The following EXOC4 variants were observed in gnomAD, a reference collection of about 807,000 sequenced individuals.
The protein encoded by EXOC4 is exocyst complex component 4.
A neutral mutation model predicts 107.2 loss-of-function variants in EXOC4; 71 were observed. The ratio of observed to expected loss-of-function variants is 0.66; its 90% CI spans 0.55 to 0.81. The LOEUF is 0.81. Among genes scored for constraint, EXOC4 ranks in the 30% least tolerant of loss-of-function variants. The pLI is 0.00. For missense variants in EXOC4, 1,108 were observed against 1,189.6 expected, an observed-to-expected ratio of 0.93 and a Z score of 1.01; for synonymous variants, 456 against 441.2, an observed-to-expected ratio of 1.03 and a Z score of -0.42.
intron 9 of EXOC4, among the ~76,000 whole-genome samples, chr7:133,556,198 G>A (rs1211071609): frequency 1.3e-5 from 2 of 152,112 alleles, no homozygotes; most frequent in Non-Finnish European, 2.9e-5. Flanking sequence ...GTTCAAATAG[G>A]TTCTAAACTA....
chr7:134,064,485 C>T lies in EXOC4; in HGVS notation c.2882C>T (p.Ala961Val). Residue 961 changes from alanine (A) to valine (V), a missense_variant, in exon 18 of 18, where the codon GCC becomes GTC. Coordinates refer to ENST00000253861, the MANE Select transcript of EXOC4 (RefSeq NM_021807.4). ...AAAGAGATCATCTGCGAGCAGGCTG[C>T]CATCAAGCAAGCCACCAAGGACAAG... Reference protein sequence around the residue: ...RLKEIICEQAAIKQATKDKKI... With the variant: ...RLKEIICEQAVIKQATKDKKI... The T allele has an allele frequency of 6.2e-7, 1 of 1,605,724 alleles. No individual in the cohort carries two copies. Among genetic ancestry groups the T allele is most frequent in the Middle Eastern group, 1.7e-4 (1 of 6,040 alleles).
At chr7:133,318,698 G>A (rs943801388) in intron 5 of EXOC4, among the ~76,000 whole-genome samples, 16 of 152,088 alleles carry the variant, frequency 1.1e-4, no homozygotes, top group South Asian at 2.1e-4. Context: ...TATTGTTGGG[G>A]CATATTTTGT....
At chr7:133,889,608 T>C (rs1799164951) in intron 11 of EXOC4, among the ~76,000 whole-genome samples, 1 of 118,174 alleles carries the variant, frequency 8.5e-6, no homozygotes, top group Non-Finnish European at 1.7e-5. Context: ...GAGTGTGATA[T>C]TCCCCTTCCT....
At chr7:133,276,068 T>G (rs962581207) in intron 2 of EXOC4, among the ~76,000 whole-genome samples, 3 of 152,120 alleles carry the variant, frequency 2.0e-5, no homozygotes, top group Non-Finnish European at 2.9e-5. Flanking sequence ...TTTCTTTTAT[T>G]TGTTATTTTT....
chr7:134,074,898 T>G, the EXOC4 span, among the ~76,000 whole-genome samples: 3 of 152,074 alleles, frequency 2.0e-5, no homozygotes, highest in African/African-American at 7.2e-5. Flanking sequence ...AAATACAACT[T>G]AACTGGGAAA....
chr7:133,806,789 A>G (rs1352327536), intron 10 of EXOC4, among the ~76,000 whole-genome samples: 3 of 152,196 alleles, frequency 2.0e-5, no homozygotes, highest in Non-Finnish European at 1.5e-5. Context: ...ACCTTGGGAA[A>G]GTAACTTTGC....
chr7:133,822,575 T>C (rs1797547575), intron 11 of EXOC4, among the ~76,000 whole-genome samples: 1 of 152,240 alleles, frequency 6.6e-6, no homozygotes, highest in Non-Finnish European at 1.5e-5. Context: ...GAGTCTGCAT[T>C]TGTATAGAAT....
chr7:133,655,991 A>T (rs988183346), intron 10 of EXOC4, among the ~76,000 whole-genome samples: 1 of 152,162 alleles, frequency 6.6e-6, no homozygotes, highest in African/African-American at 2.4e-5. Context: ...ATACATGAGT[A>T]ATGCATTGTG....
the EXOC4 span, among the ~76,000 whole-genome samples, chr7:134,092,304 A>G: frequency 1.3e-5 from 2 of 152,148 alleles, no homozygotes; most frequent in East Asian, 3.8e-4. Flanking sequence ...AAAGAAAAAA[A>G]GTCCAATTTT....
At chr7:133,427,889 G>GA (rs1284713824) in intron 7 of EXOC4, among the ~76,000 whole-genome samples, 4 of 152,076 alleles carry the variant, frequency 2.6e-5, no homozygotes, top group African/African-American at 9.7e-5. Flanking sequence ...TAACAGAAGG[G>GA]AAAAAATCAA....
intron 10 of EXOC4, among the ~76,000 whole-genome samples, chr7:133,704,372 G>C (rs1794724831): frequency 6.6e-6 from 1 of 152,306 alleles, no homozygotes; most frequent in Admixed American, 6.5e-5. Flanking sequence ...GGTGGTCATT[G>C]TAACACCGTA....
chr7:133,689,787 G>T (rs1175077791), intron 10 of EXOC4, among the ~76,000 whole-genome samples: 1 of 152,224 alleles, frequency 6.6e-6, no homozygotes. Flanking sequence ...CCAGACTCAG[G>T]TTTGGTCAGG....
At chr7:133,632,835 T>G (rs558650705) in intron 10 of EXOC4, among the ~76,000 whole-genome samples, 1 of 146,026 alleles carries the variant, frequency 6.8e-6, no homozygotes, top group East Asian at 1.9e-4. Context: ...TTCTATTCTT[T>G]AGAATGGTCA....
At chr7:133,957,054 G>T (rs1800835841) in intron 14 of EXOC4, among the ~76,000 whole-genome samples, 1 of 151,954 alleles carries the variant, frequency 6.6e-6, no homozygotes, top group South Asian at 2.1e-4. Context: ...CATCTTTTCA[G>T]TGTTCCTCAG....
intron 7 of EXOC4, among the ~76,000 whole-genome samples, chr7:133,465,981 CA>C (rs1368911035): frequency 2.0e-5 from 3 of 151,706 alleles, no homozygotes; most frequent in African/African-American, 4.8e-5. Flanking sequence ...ACTAAAAATA[CA>C]AAAAATTAGC....
intron 11 of EXOC4, among the ~76,000 whole-genome samples, chr7:133,853,620 A>T (rs918473443): frequency 6.6e-6 from 1 of 152,136 alleles, no homozygotes; most frequent in Non-Finnish European, 1.5e-5. Flanking sequence ...CTTTGCCCTA[A>T]TATCTAAGTA....
chr7:134,053,237 C>CA (rs59323264), intron 17 of EXOC4, among the ~76,000 whole-genome samples: 1,729 of 120,932 alleles, frequency 0.014, 21 homozygotes, highest in African/African-American at 0.038. Flanking sequence ...AACTCCATCT[C>CA]AAAAAAAAAA....
chr7:133,551,109 T>A (rs1800579588), intron 9 of EXOC4, among the ~76,000 whole-genome samples: 1 of 152,162 alleles, frequency 6.6e-6, no homozygotes, highest in Non-Finnish European at 1.5e-5. Context: ...GTGTATTTCT[T>A]AATCTGGATC....
chr7:133,947,635 A>G (rs1198601731), intron 14 of EXOC4, among the ~76,000 whole-genome samples: 3 of 152,242 alleles, frequency 2.0e-5, no homozygotes, highest in Non-Finnish European at 4.4e-5. Context: ...TGTGCTGATT[A>G]GAAAGCAGTA....
Sources: allele counts gnomAD v4.1 joint callset (sites outside exome capture counted in the v4.1 genomes callset), GRCh38; gene constraint gnomAD v4.1.1; transcripts MANE v1.5; gene names NCBI Gene and HGNC (gene_info 2026-07-23, HGNC 2026-07-21).